Variants in NRG3 observed in about 807,000 individuals in gnomAD.
The protein encoded by NRG3 is pro-neuregulin-3, membrane-bound isoform.
Under a neutral mutation model 66.9 loss-of-function variants are expected in NRG3, and 31 were observed. The ratio of observed to expected loss-of-function variants is 0.46; its 90% CI spans 0.35 to 0.63. The LOEUF (loss-of-function observed/expected upper bound fraction) is 0.63. Among genes scored for constraint, NRG3 ranks in the 20% least tolerant of loss-of-function variants. The pLI is 0.00. For missense variants in NRG3, 910 were observed against 878.9 expected (o/e 1.04, Z -0.45); for synonymous variants, 393 against 359.4 (o/e 1.09, Z -1.06).
intron 1 of NRG3, among the ~76,000 whole-genome samples, chr10:81,889,839 G>A (rs548713618): frequency 1.5e-4 from 23 of 152,270 alleles, no homozygotes; most frequent in South Asian, 1.0e-3. Flanking sequence ...AAAGGAAGGC[G>A]AAGCTGTAGA....
intron 2 of NRG3, among the ~76,000 whole-genome samples, chr10:82,481,805 T>C (rs951338622): frequency 4.6e-5 from 7 of 151,932 alleles, no homozygotes; most frequent in African/African-American, 1.7e-4. Context: ...GCTAACATGG[T>C]AAAAACGCAT....
At chr10:82,981,201 CT>C (rs1167546638) in intron 8 of NRG3, among the ~76,000 whole-genome samples, 1 of 152,136 alleles carries the variant, frequency 6.6e-6, no homozygotes, top group Non-Finnish European at 1.5e-5. Context: ...CAATGCTTTG[CT>C]TTTTTAACCT....
chr10:82,063,672 A>G (rs1021410585), intron 1 of NRG3, among the ~76,000 whole-genome samples: 1 of 152,142 alleles, frequency 6.6e-6, no homozygotes, highest in Non-Finnish European at 1.5e-5. Flanking sequence ...GAAACTAAAG[A>G]AAGAAACTAA....
chr10:81,900,041 G>A (rs540013131), intron 1 of NRG3, among the ~76,000 whole-genome samples: 8 of 151,086 alleles, frequency 5.3e-5, no homozygotes, highest in African/African-American at 1.2e-4. Flanking sequence ...TCCGCCTCCC[G>A]TGTCCAAATG....
chr10:81,903,277 A>G (rs951696107), intron 1 of NRG3, among the ~76,000 whole-genome samples: 2 of 152,106 alleles, frequency 1.3e-5, no homozygotes, highest in Non-Finnish European at 2.9e-5. Context: ...ACCCGCGGGT[A>G]CACAGCATGT....
intron 2 of NRG3, among the ~76,000 whole-genome samples, chr10:82,591,296 C>A (rs1386977775): frequency 6.6e-5 from 10 of 152,076 alleles, no homozygotes; most frequent in Admixed American, 6.6e-4. Flanking sequence ...ATAGGCATCC[C>A]AAATTGATAT....
chr10:82,124,295 A>C (rs2068285466), intron 1 of NRG3, among the ~76,000 whole-genome samples: 1 of 152,012 alleles, frequency 6.6e-6, no homozygotes, highest in Non-Finnish European at 1.5e-5. Flanking sequence ...CTTCATCCAC[A>C]TCTGTAAAGT....
intron 2 of NRG3, among the ~76,000 whole-genome samples, chr10:82,714,671 T>C (rs2056870055): frequency 6.6e-6 from 1 of 152,200 alleles, no homozygotes; most frequent in Admixed American, 6.5e-5. Context: ...TAAATAAGGA[T>C]TGATGTCTGT....
chr10:82,956,986 T>C (rs568966824), intron 5 of NRG3, among the ~76,000 whole-genome samples: 5 of 152,128 alleles, frequency 3.3e-5, no homozygotes, highest in East Asian at 3.9e-4. Flanking sequence ...CACACTGATA[T>C]TGTAAATTCA....
In NRG3 at chr10:82,087,613, C is replaced by T. The variant is rs1244049182; in HGVS notation, c.823+211450C>T. On this transcript the variant is annotated intron_variant, in intron 1 of 8. Transcript: ENST00000372141. ...ATCAATGGTATCATATTTATCATTG[C>T]ACTGCCCATTGTCTGTAGTATTCTG... Among the ~76,000 whole-genome samples, 4 of 152,264 alleles carry T rather than the reference C, an allele frequency of 2.6e-5. No homozygotes were observed. In the East Asian group the frequency reaches 7.7e-4, roughly 29 times the overall value.
intron 1 of NRG3, among the ~76,000 whole-genome samples, chr10:82,240,549 T>A (rs539152355): frequency 6.6e-6 from 1 of 152,308 alleles, no homozygotes; most frequent in South Asian, 2.1e-4. Flanking sequence ...AAAAGACTTT[T>A]CAATCAGTCA....
intron 2 of NRG3, among the ~76,000 whole-genome samples, chr10:82,518,622 T>G (rs1432008983): frequency 6.6e-6 from 1 of 152,208 alleles, no homozygotes; most frequent in Non-Finnish European, 1.5e-5. Flanking sequence ...GCTAGGCTTG[T>G]ATTTTTATTA....
chr10:82,782,867 C>T (rs1225077995), intron 3 of NRG3, among the ~76,000 whole-genome samples: 1 of 152,202 alleles, frequency 6.6e-6, no homozygotes, highest in Admixed American at 6.5e-5. Context: ...GTGAGGCCAG[C>T]ATCATCCTGA....
chr10:82,035,590 C>A (rs765797288), intron 1 of NRG3, among the ~76,000 whole-genome samples: 1 of 152,006 alleles, frequency 6.6e-6, no homozygotes, highest in Non-Finnish European at 1.5e-5. Flanking sequence ...AAATATTTCA[C>A]CATGTATGAA....
At chr10:82,441,702 G>A (rs1240334184) in intron 2 of NRG3, among the ~76,000 whole-genome samples, 2 of 152,116 alleles carry the variant, frequency 1.3e-5, no homozygotes, top group Admixed American at 6.6e-5. Context: ...ACCAAGGGTG[G>A]TGTATTAATA....
intron 2 of NRG3, among the ~76,000 whole-genome samples, chr10:82,552,913 T>G (rs1037686324): frequency 1.6e-4 from 25 of 151,996 alleles, no homozygotes; most frequent in African/African-American, 5.8e-4. Context: ...GTCCTTCCCA[T>G]GGAGTGATCA....
intron 3 of NRG3, among the ~76,000 whole-genome samples, chr10:82,764,495 TGAG>T (rs1247613677): frequency 1.3e-5 from 2 of 151,766 alleles, no homozygotes; most frequent in East Asian, 3.9e-4. Context: ...CCCGAGTAGC[TGAG>T]ATTACAGGCA....
chr10:82,200,788 G>A (rs1589293019), intron 1 of NRG3, among the ~76,000 whole-genome samples: 1 of 152,076 alleles, frequency 6.6e-6, no homozygotes, highest in Admixed American at 6.6e-5. Context: ...CTAACACTTA[G>A]GAGTTGAGAG....
intron 1 of NRG3, among the ~76,000 whole-genome samples, chr10:82,288,813 A>G (rs1431687483): frequency 1.3e-5 from 2 of 152,180 alleles, no homozygotes; most frequent in African/African-American, 2.4e-5. Context: ...TTATCTGCCT[A>G]CACACTGTGT....
Sources: gnomAD v4.1 joint callset for allele counts (sites outside exome capture counted in the v4.1 genomes callset) on GRCh38, gnomAD v4.1.1 for gene constraint, MANE v1.5 for transcripts, NCBI Gene and HGNC (gene_info 2026-07-23, HGNC 2026-07-21) for gene names.